BRSK2: variants seen among roughly 807,000 people sequenced by gnomAD.
BRSK2 encodes the protein BR serine/threonine kinase 2.
A neutral mutation model predicts 83.3 loss-of-function variants in BRSK2; 19 were observed. The ratio of observed to expected loss-of-function variants is 0.23; its 90% CI spans 0.16 to 0.33. BRSK2 has a LOEUF of 0.33. Ranked by LOEUF, BRSK2 falls within the 10% of genes least tolerant of loss-of-function variation. BRSK2 has a pLI of 1.00. For missense variants in BRSK2, 798 were observed against 1,042.3 expected (o/e 0.77, Z 3.23); for synonymous variants, 519 against 435.4 (o/e 1.19, Z -2.39).
intron 1 of BRSK2, among the ~76,000 whole-genome samples, chr11:1,429,407 G>GGTGTGCACTGGTGT (rs111520254): frequency 9.4e-6 from 1 of 106,532 alleles, no homozygotes; most frequent in Admixed American, 9.1e-5. Flanking sequence ...TAGGCACAGG[G>GGTGTGCACTGGTGT]GTGTGCACGC....
intron 3 of BRSK2, among the ~76,000 whole-genome samples, chr11:1,439,435 C>G (rs2133049035): frequency 6.6e-6 from 1 of 152,008 alleles, no homozygotes; most frequent in African/African-American, 2.4e-5. Context: ...TGGTCCTGGC[C>G]CTGATGCTGG....
At chr11:1,457,075 C>T (rs749000629) in intron 18 of BRSK2, 19 of 1,534,936 alleles carry the variant, frequency 1.2e-5, no homozygotes, top group East Asian at 2.4e-5. Context: ...TGTGCTGGGG[C>T]GGGGAGGGGC....
At chr11:1,425,598 G>A (rs1313948041) in intron 1 of BRSK2, among the ~76,000 whole-genome samples, 3 of 152,166 alleles carry the variant, frequency 2.0e-5, no homozygotes, top group Admixed American at 2.0e-4. Context: ...CCTGGGCCAG[G>A]GGCCACGGGA....
At chr11:1,458,756 G>A (rs536398289) in intron 18 of BRSK2, among the ~76,000 whole-genome samples, 34 of 152,270 alleles carry the variant, frequency 2.2e-4, no homozygotes, top group Middle Eastern at 6.8e-3. Flanking sequence ...GAAGAGGGCC[G>A]AGGAAGAGGG....
intron 9 of BRSK2, 75 bp downstream of exon 9, chr11:1,445,077 G>C (rs1851836973): frequency 5.1e-6 from 8 of 1,570,456 alleles, no homozygotes; most frequent in Admixed American, 1.7e-5. Context: ...AGGAAAGGCG[G>C]GGGGAGGGCG....
rs1446723393 is a variant in BRSK2, at chr11:1,438,888, C to T, written c.272+497C>T. ...GTGTCACCTCCGCAGCCGCTGAGGC[C>T]AGCAGAAATCCCTACCCTGTCCCAG... On this transcript the variant is annotated intron_variant, in intron 3 of 19. Coordinates refer to ENST00000528841, the MANE Select transcript of BRSK2 (RefSeq NM_001256627.2). This position sits in a 1 kb window ranked among gnomAD's most constrained non-coding sequence, Gnocchi z 6.4. Among the ~76,000 whole-genome samples the T allele has an allele frequency of 6.6e-6, 1 of 152,164 alleles. No individual in the cohort carries two copies. The highest frequency in any genetic ancestry group is 1.5e-5 in the Non-Finnish European group (1 of 68,010).
Position 1,438,173 on chromosome 11 carries a change from G to C in BRSK2, c.187-133G>C. 1.6e-6 allele frequency: 1 copy of C among 625,040 alleles called. No homozygotes were observed. Among genetic ancestry groups the C allele is most frequent in the East Asian group, 3.1e-5 (1 of 31,866 alleles). The allele number at this position is 625,040 out of a possible 1,614,324, so 38.7% of individuals were successfully genotyped here. On this transcript the variant is annotated intron_variant, in intron 2 of 19. Transcript: ENST00000528841. This position sits in a 1 kb window ranked among gnomAD's most constrained non-coding sequence, Gnocchi z 6.4. ...TGCGTCCCCCACAGCTGGCACCAAA[G>C]GCCCCTGCGACCCCCACAGCTGGCA...
chr11:1,452,761 A>G (rs1277229220), intron 15 of BRSK2, among the ~76,000 whole-genome samples: 1 of 151,902 alleles, frequency 6.6e-6, no homozygotes, highest in Non-Finnish European at 1.5e-5. Flanking sequence ...AGGGCCCGGC[A>G]CAGATGCCTG....
At chr11:1,422,435 C>T (rs558882452) in intron 1 of BRSK2, among the ~76,000 whole-genome samples, 10 of 152,060 alleles carry the variant, frequency 6.6e-5, no homozygotes, top group South Asian at 2.1e-4. Flanking sequence ...CTTATGGGGC[C>T]GAGGCTGGCT....
Position 1,390,697 on chromosome 11 carries a change from C to T in BRSK2, c.91+322C>T, listed in dbSNP as rs1179117978. On this transcript the variant is annotated intron_variant, in intron 1 of 19. Transcript: ENST00000528841. The surrounding 1 kb of genome is among the most constrained non-coding windows in gnomAD (Gnocchi z 6.8). ...CGCGGCCCGGGCCGCATTGTGCGCCCCAGCGACCGGGCCCATTGTGCCGCG... is the reference window on the plus strand; with the variant it reads ...CGCGGCCCGGGCCGCATTGTGCGCCTCAGCGACCGGGCCCATTGTGCCGCG... Among the ~76,000 whole-genome samples, 1 of 150,434 alleles carries T rather than the reference C, an allele frequency of 6.6e-6. No individual in the cohort carries two copies. The highest frequency in any genetic ancestry group is 1.5e-5 in the Non-Finnish European group (1 of 67,538).
chr11:1,454,401 C>T lies in BRSK2; in HGVS notation c.1545-84C>T, dbSNP rs754045420. On this transcript the variant is annotated intron_variant, in intron 15 of 19. Transcript: ENST00000528841. The surrounding 1 kb of genome is among the most constrained non-coding windows in gnomAD (Gnocchi z 5.2). ...ATCACGAAGCGATGGAAGATTCCGC[C>T]GTTCCAACCCCAGATTCGAGGGAGG... 21 of 1,519,468 alleles carry T rather than the reference C, an allele frequency of 1.4e-5. No homozygotes were observed. The African/African-American group carries it at 1.5e-4, about 11-fold the overall frequency. The allele number at this position is 1,519,468 out of a possible 1,614,324, so 94.1% of individuals were successfully genotyped here. A position where few individuals can be genotyped will look rare whatever the true frequency, so the allele number is the denominator to read the frequency against.
At chr11:1,404,687 G>A (rs1846711602) in intron 1 of BRSK2, among the ~76,000 whole-genome samples, 1 of 152,212 alleles carries the variant, frequency 6.6e-6, no homozygotes, top group Non-Finnish European at 1.5e-5. Flanking sequence ...TAACGTTTGG[G>A]AGGGTAGGAG....
intron 15 of BRSK2, among the ~76,000 whole-genome samples, chr11:1,451,926 C>T (rs572453552): frequency 4.3e-4 from 66 of 152,060 alleles, no homozygotes; most frequent in Non-Finnish European, 4.1e-4. Flanking sequence ...CCCTGGGGGC[C>T]GCTGTGACTG....
rs554061167 is a variant in BRSK2, at chr11:1,461,384, G to C, written c.*661G>C. 1 of 283,928 alleles carries C rather than the reference G, an allele frequency of 3.5e-6. No homozygotes were observed. Among genetic ancestry groups the C allele is most frequent in the South Asian group, 3.8e-5 (1 of 26,398 alleles). The allele number at this position is 283,928 out of a possible 1,614,324, so 17.6% of individuals were successfully genotyped here. A position where few individuals can be genotyped will look rare whatever the true frequency, so the allele number is the denominator to read the frequency against. On this transcript the variant is annotated 3_prime_UTR_variant, in exon 20 of 20. Transcript: ENST00000528841. ...CCTCCGTGTAGTCTTGGCCTCCTCA[G>C]GCTGCCTCCCGTCCTCTCGTCTCAC...
chr11:1,440,355 G>T (rs1291209991), intron 3 of BRSK2, among the ~76,000 whole-genome samples: 2 of 152,144 alleles, frequency 1.3e-5, no homozygotes, highest in Non-Finnish European at 1.5e-5. Flanking sequence ...GGATGCGGCT[G>T]CGTGGTCTCC....
At chr11:1,452,803 G>A (rs1409527430) in intron 15 of BRSK2, among the ~76,000 whole-genome samples, 1 of 152,022 alleles carries the variant, frequency 6.6e-6, no homozygotes. Context: ...CTGCACAGAC[G>A]CCTTGGACGA....
intron 19 of BRSK2, 90 bp downstream of exon 19, chr11:1,459,329 T>C (rs1449837546): frequency 7.5e-6 from 11 of 1,464,480 alleles, no homozygotes; most frequent in African/African-American, 1.4e-5. Flanking sequence ...CCGCCCGGGT[T>C]GTCCCGGCCT....
In BRSK2 at chr11:1,443,564, C is replaced by T. The variant is rs967422037; in HGVS notation, c.709C>T (p.His237Tyr). The stretch of plus-strand genomic sequence containing the variant: ...GAAGCGGGGCGTGTTCCACATGCCG[C>T]ACTTTATCCCGCCCGACTGCCAGAG... ...KVKRGVFHMP[H>Y]FIPPDCQSLL... Residue 237 changes from histidine to tyrosine, a missense_variant, in exon 8 of 20, where the codon CAC becomes TAC. This residue lies in a region of BRSK2 where 145 missense variants were observed against 225.4 expected (regional missense o/e 0.64). Transcript: ENST00000528841. 6 of 1,610,752 alleles carry T rather than the reference C, an allele frequency of 3.7e-6. No homozygotes were observed. The highest frequency in any genetic ancestry group is 1.3e-5 in the African/African-American group (1 of 75,002).
At chr11:1,457,159 T>A in intron 18 of BRSK2, 1 of 1,028,196 alleles carries the variant, frequency 9.7e-7, no homozygotes, top group African/African-American at 1.6e-5. Context: ...GTCTCGGCCC[T>A]GGACAGGCCA....
Sources: allele counts gnomAD v4.1 joint callset (sites outside exome capture counted in the v4.1 genomes callset), GRCh38; gene constraint gnomAD v4.1.1; regional missense constraint gnomAD v4.1.1; non-coding constraint Gnocchi (gnomAD v3.1); transcripts MANE v1.5; gene names NCBI Gene and HGNC (gene_info 2026-07-23, HGNC 2026-07-21).